The following GGA3 variants were observed in gnomAD, a reference collection of about 807,000 sequenced individuals.
GGA3 encodes the protein golgi associated, gamma adaptin ear containing, ARF binding protein 3.
Under a neutral mutation model 77.5 loss-of-function variants are expected in GGA3, and 57 were observed. The ratio of observed to expected loss-of-function variants is 0.74; its 90% CI spans 0.59 to 0.92. The LOEUF is 0.92. Ranked by LOEUF, GGA3 falls within the 40% of genes least tolerant of loss-of-function variation. The pLI, the probability that GGA3 is intolerant of heterozygous loss-of-function variation, is 0.00. For synonymous variants in GGA3, 416 were observed against 383.7 expected, an observed-to-expected ratio of 1.08 and a Z score of -0.98; for missense variants, 970 against 914.9, an observed-to-expected ratio of 1.06 and a Z score of -0.78.
chr17:75,253,235 T>C (rs957675202), intron 1 of GGA3, among the ~76,000 whole-genome samples: 1 of 152,176 alleles, frequency 6.6e-6, no homozygotes, highest in Non-Finnish European at 1.5e-5. Flanking sequence ...CTCCAACCTC[T>C]CTCACTATCC....
chr17:75,261,738 C>CT (rs971582816), upstream of GGA3: 1 of 1,150,410 alleles, frequency 8.7e-7, no homozygotes, highest in Admixed American at 2.7e-5. Flanking sequence ...CAAGGGTTTC[C>CT]TTTTGGCGCT....
rs556571071 is a variant in GGA3, at chr17:75,255,818, C to T, written c.40+5730G>A. ...CACAATCCATTATTCTGTTCTGGATCTCAAACATGCTTTCTTTACAATTCC... is the reference window on the plus strand; with the variant it reads ...CACAATCCATTATTCTGTTCTGGATTTCAAACATGCTTTCTTTACAATTCC... On this transcript the variant is annotated intron_variant, in intron 1 of 16. Transcript: ENST00000537686. Among the ~76,000 whole-genome samples the T allele has an allele frequency of 3.8e-3, 579 of 152,332 alleles. 1 individual carries two copies. The highest frequency in any genetic ancestry group is 0.013 in the African/African-American group (548 of 41,572).
At chr17:75,249,469 G>T (rs2076885709) in intron 1 of GGA3, among the ~76,000 whole-genome samples, 1 of 152,346 alleles carries the variant, frequency 6.6e-6, no homozygotes, top group Admixed American at 6.5e-5. Flanking sequence ...CATTTGGAAA[G>T]AAATGTCTGG....
chr17:75,242,293 C>T (rs775083641), intron 8 of GGA3, 43 bp downstream of exon 8: 4 of 1,609,358 alleles, frequency 2.5e-6, no homozygotes, highest in Non-Finnish European at 3.4e-6. Context: ...TCCTGAAGGG[C>T]AGCGCAGCCC....
At chr17:75,242,043 CA>C (rs2076577224) in intron 8 of GGA3, 1 of 550,686 alleles carries the variant, frequency 1.8e-6, no homozygotes, top group South Asian at 2.1e-5. Context: ...TTGATGTCCC[CA>C]AGGTAGTAAG....
At position 75,248,494 on chromosome 17, in the gene GGA3, A is replaced by AAAAAAAAAAAAAT. The variant is rs1598419606; in HGVS notation, c.41-1699_41-1698insATTTTTTTTTTTT. 5.9e-5 allele frequency among the ~76,000 whole-genome samples: 8 copies of AAAAAAAAAAAAAT among 136,516 alleles called. No homozygotes were observed. In the East Asian group the frequency reaches 1.5e-3, roughly 26 times the overall value. 89.6% of individuals were successfully genotyped at this position (136,516 alleles called of 152,430 possible). A position where few individuals can be genotyped will look rare whatever the true frequency, so the allele number is the denominator to read the frequency against. On this transcript the variant is annotated intron_variant, in intron 1 of 16. Coordinates refer to ENST00000537686, the MANE Select transcript of GGA3 (RefSeq NM_138619.4). ...AAAAAAAAAAAAAAAAAAAAAAAAA[A>AAAAAAAAAAAAAT]TCACCAGCTGGGCCGGGTGCAGTGG... is the stretch of plus-strand genomic sequence containing the variant.
rs1044713898 is a variant in GGA3 at position 75,239,932 on chromosome 17, G to A, written c.1440C>T (p.Gly480=). The A allele has an allele frequency of 5.0e-6, 8 of 1,599,188 alleles. No homozygotes were observed. The highest frequency in any genetic ancestry group is 6.8e-6 in the Non-Finnish European group (8 of 1,173,316). ...CCACTCCAGTAGAAAACAAGGAGGA[G>A]CCCGCACTGGGGGCAGGAACACTGG... is the stretch of plus-strand genomic sequence containing the variant. ...VPASVPAPSA[G]SSLFSTGVAP... Residue 480 remains glycine, a synonymous_variant, in exon 13 of 17, where the codon GGC becomes GGT. Transcript: ENST00000537686.
chr17:75,253,511 TGGGGGAG>T (rs2077040353), intron 1 of GGA3, among the ~76,000 whole-genome samples: 1 of 152,180 alleles, frequency 6.6e-6, no homozygotes, highest in African/African-American at 2.4e-5. Context: ...CCTGCTTTTC[TGGGGGAG>T]GGGCAAGTAC....
chr17:75,248,921 C>CT, intron 1 of GGA3: 2 of 985,258 alleles, frequency 2.0e-6, no homozygotes, highest in South Asian at 9.4e-5. Context: ...GCGACAGCTG[C>CT]CAGGCAGAGG....
At chr17:75,246,639 G>T in intron 2 of GGA3, 55 bp from the exon 3 acceptor site, 1 of 1,579,298 alleles carries the variant, frequency 6.3e-7, no homozygotes, top group Non-Finnish European at 8.7e-7. Flanking sequence ...TACCTGGCTG[G>T]CCCTCCTTGG....
chr17:75,249,041 A>ATATT lies in GGA3; in HGVS notation c.41-2249_41-2246dup, dbSNP rs539658993. On this transcript the variant is annotated intron_variant, in intron 1 of 16. Transcript: ENST00000537686. The stretch of plus-strand genomic sequence containing the variant: ...GGGAAGATTCTGATGGTTTAGGTTC[A>ATATT]TATTTATTTATTTATTTATTTTGAG... 1.2e-4 allele frequency: 113 copies of ATATT among 965,388 alleles called. No homozygotes were observed. In the African/African-American group the frequency reaches 1.3e-3, roughly 11 times the overall value. The allele number at this position is 965,388 out of a possible 1,614,324, so 59.8% of individuals were successfully genotyped here.
chr17:75,253,668 G>T (rs9900350), intron 1 of GGA3, among the ~76,000 whole-genome samples: 1 of 147,748 alleles, frequency 6.8e-6, no homozygotes, highest in Non-Finnish European at 1.5e-5. Context: ...CCTTATTTCC[G>T]CACCCCGACC....
chr17:75,242,178 T>G, intron 8 of GGA3, 158 bp downstream of exon 8: 4 of 769,062 alleles, frequency 5.2e-6, no homozygotes. Context: ...GACGCCACCC[T>G]CTACTGACGT....
intron 1 of GGA3, among the ~76,000 whole-genome samples, chr17:75,248,661 C>A (rs535017946): frequency 1.8e-4 from 28 of 151,548 alleles, no homozygotes; most frequent in Admixed American, 4.6e-4. Flanking sequence ...TGGCACATGC[C>A]TGTAGTCCCA....
In GGA3 at chr17:75,237,542, G is replaced by A; in HGVS notation, c.*737C>T. The A allele has an allele frequency of 2.0e-6, 3 of 1,535,924 alleles. No homozygotes were observed. The South Asian group carries it at 3.6e-5, about 18-fold the overall frequency. On this transcript the variant is annotated 3_prime_UTR_variant, in exon 17 of 17. Coordinates refer to ENST00000537686, the MANE Select transcript of GGA3 (RefSeq NM_138619.4). ...AGCTGAGTACCTGCTTCTGGAGAAG[G>A]GGAAATACTGGCTCTCTTCATTTTC...
chr17:75,257,374 CTT>C (rs2077193275), intron 1 of GGA3, among the ~76,000 whole-genome samples: 1 of 149,754 alleles, frequency 6.7e-6, no homozygotes, highest in African/African-American at 2.4e-5. Flanking sequence ...ATGCCCTGCT[CTT>C]GTTTACACTG....
Position 75,246,490 on chromosome 17 carries a change from C to T in GGA3, c.201+19G>A, listed in dbSNP as rs140508488. 7.3e-5 allele frequency: 113 copies of T among 1,544,954 alleles called. 2 individuals are homozygous for T. The African/African-American group carries it at 1.1e-3, about 15-fold the overall frequency. On this transcript the variant is annotated intron_variant, in intron 3 of 16. Transcript: ENST00000537686. ...GGTGAAGGGCTGCGGTTTCCACCTC[C>T]GGAGAGTGAAGGACCTACCGTCAGG...
At position 75,240,011 on chromosome 17, in the gene GGA3, G is replaced by T. The variant is rs1000160793; in HGVS notation, c.1361C>A (p.Ser454Ter). 1 of 1,553,082 alleles carries T rather than the reference G, an allele frequency of 6.4e-7. No homozygotes were observed. The highest frequency in any genetic ancestry group is 8.7e-7 in the Non-Finnish European group (1 of 1,148,840). Reference sequence around the variant, plus strand: ...CGGCAGTGGAGCTTGGGAGCTGCTTGAGGAGGGGGCTGAGGGCTGGAGCAG... The same window carrying T: ...CGGCAGTGGAGCTTGGGAGCTGCTTTAGGAGGGGGCTGAGGGCTGGAGCAG... ...APLLQPSAPSSSSSQAPLPPP... is the reference protein window; with the variant it reads ...APLLQPSAPS The change falls in exon 13 of 17, where the codon TCA becomes TAA. Residue 454 changes from serine to a stop codon, truncating the protein, a stop_gained. Coordinates refer to ENST00000537686, the MANE Select transcript of GGA3 (RefSeq NM_138619.4). LOFTEE classifies it high-confidence loss of function.
At position 75,246,813 on chromosome 17, in the gene GGA3, G is replaced by A. The variant is rs760425988; in HGVS notation, c.41-17C>T. 6.3e-6 allele frequency: 10 copies of A among 1,599,050 alleles called. No individual in the cohort carries two copies. ...TGGCTTTATCTTGCAACACAACAAA[G>A]AAGAGGACAAGTGTTAGGAAGAGCA... On this transcript the variant is annotated splice_polypyrimidine_tract_variant and intron_variant, in intron 1 of 16. Transcript: ENST00000537686.
Sources: gnomAD v4.1 joint callset for allele counts (sites outside exome capture counted in the v4.1 genomes callset) on GRCh38, gnomAD v4.1.1 for gene constraint, MANE v1.5 for transcripts, NCBI Gene and HGNC (gene_info 2026-07-23, HGNC 2026-07-21) for gene names.